The following BIN1 variants were observed in gnomAD, a reference collection of about 807,000 sequenced individuals.
The protein encoded by BIN1 is myc box-dependent-interacting protein 1.
A neutral mutation model predicts 82.0 loss-of-function variants in BIN1; 53 were observed. The ratio of observed to expected loss-of-function variants is 0.65; its 90% CI spans 0.52 to 0.81. The LOEUF is 0.81. Ranked by LOEUF, BIN1 falls within the 40% of genes least tolerant of loss-of-function variation. The pLI is 0.00. For missense variants in BIN1, 642 were observed against 784.4 expected, an observed-to-expected ratio of 0.82 and a Z score of 2.17; for synonymous variants, 302 against 328.0, an observed-to-expected ratio of 0.92 and a Z score of 0.86.
intron 11 of BIN1, among the ~76,000 whole-genome samples, chr2:127,058,804 C>T (rs564719162): frequency 2.2e-4 from 34 of 152,156 alleles, no homozygotes; most frequent in Non-Finnish European, 3.7e-4. Context: ...GAGGAGCGAG[C>T]AAGTCACAGA....
At chr2:127,072,880 A>G (rs943370824) in intron 2 of BIN1, among the ~76,000 whole-genome samples, 1 of 152,120 alleles carries the variant, frequency 6.6e-6, no homozygotes, top group Non-Finnish European at 1.5e-5. Flanking sequence ...TCACAATTAA[A>G]GGCTTTGTTG....
chr2:127,051,818 C>T (rs1682996777), intron 15 of BIN1, among the ~76,000 whole-genome samples: 1 of 152,232 alleles, frequency 6.6e-6, no homozygotes, highest in Non-Finnish European at 1.5e-5. Flanking sequence ...AACCCCAGAG[C>T]TGGGCTGACC....
chr2:127,063,875 C>T, intron 8 of BIN1, 58 bp downstream of exon 8: 1 of 1,602,004 alleles, frequency 6.2e-7, no homozygotes, highest in Non-Finnish European at 8.5e-7. Context: ...AGACTGGGCA[C>T]CGCAGCACGC....
chr2:127,103,219 T>C (rs780738540), intron 1 of BIN1, among the ~76,000 whole-genome samples: 2 of 152,202 alleles, frequency 1.3e-5, no homozygotes, highest in Non-Finnish European at 2.9e-5. Flanking sequence ...CTCTCAGGTG[T>C]AGCATTGCTG....
Position 127,091,735 on chromosome 2 carries a change from A to T in BIN1, c.85-15029T>A, listed in dbSNP as rs28576489. On this transcript the variant is annotated intron_variant, in intron 1 of 18. Coordinates refer to ENST00000316724, the MANE Select transcript of BIN1 (RefSeq NM_139343.3). ...GAGACCCCATTTCTACAAAAAAAAA[A>T]TTTTTTTTTTAATTAGCCAGGTGTG... Among the ~76,000 whole-genome samples, 48 of 129,358 alleles carry T rather than the reference A, an allele frequency of 3.7e-4. No homozygotes were observed. The East Asian group carries it at 5.3e-3, about 14-fold the overall frequency. The allele number at this position is 129,358 out of a possible 152,430, so 84.9% of individuals were successfully genotyped here.
At chr2:127,052,480 A>T in intron 14 of BIN1, 118 bp from the exon 15 acceptor site, 2 of 963,344 alleles carry the variant, frequency 2.1e-6, no homozygotes, top group Non-Finnish European at 3.1e-6. Context: ...TGGTGGGGGC[A>T]GGGTGGGTAC....
rs1160352652 is a variant in BIN1 at position 127,082,187 on chromosome 2, C to T, written c.85-5481G>A. Among the ~76,000 whole-genome samples the T allele has an allele frequency of 6.6e-6, 1 of 152,100 alleles. No individual in the cohort carries two copies. Among genetic ancestry groups the T allele is most frequent in the East Asian group, 1.9e-4 (1 of 5,178 alleles). ...CTCTGGGTCCAGGCTCGCTCACTGA[C>T]TCCCGGGGGCTGTCCCTCTGTCAAT... On this transcript the variant is annotated intron_variant, in intron 1 of 18. Coordinates refer to ENST00000316724, the MANE Select transcript of BIN1 (RefSeq NM_139343.3). This position sits in a 1 kb window ranked among gnomAD's most constrained non-coding sequence, Gnocchi z 6.1.
chr2:127,053,374 AAGAGT>A, intron 14 of BIN1, 43 bp downstream of exon 14: 3 of 1,612,162 alleles, frequency 1.9e-6, no homozygotes, highest in Middle Eastern at 1.6e-4. Flanking sequence ...ACACATACGG[AAGAGT>A]GGCTCCCCCA....
intron 10 of BIN1, chr2:127,060,570 C>T (rs1224098965): frequency 1.9e-6 from 3 of 1,613,914 alleles, no homozygotes; most frequent in Non-Finnish European, 8.5e-7. Context: ...GCCTCTGCGC[C>T]CCTCCGCAGC....
At position 127,068,032 on chromosome 2, in the gene BIN1, C is replaced by T. The variant is rs1685366631; in HGVS notation, c.612+131G>A. 1 of 918,388 alleles carries T rather than the reference C, an allele frequency of 1.1e-6. No individual in the cohort carries two copies. The highest frequency in any genetic ancestry group is 2.0e-5 in the Admixed American group (1 of 49,962). The allele number at this position is 918,388 out of a possible 1,614,324, so 56.9% of individuals were successfully genotyped here. A position where few individuals can be genotyped will look rare whatever the true frequency, so the allele number is the denominator to read the frequency against. On this transcript the variant is annotated intron_variant, in intron 7 of 18. Coordinates refer to ENST00000316724, the MANE Select transcript of BIN1 (RefSeq NM_139343.3). The surrounding 1 kb of genome is among the most constrained non-coding windows in gnomAD (Gnocchi z 4.9). ...AGGTCTCCTCTGAAGCAGAGCTCTC[C>T]CAGCAGAGGCCTTTGAAAAACCCTG...
chr2:127,053,681 G>T, intron 13 of BIN1: 1 of 718,524 alleles, frequency 1.4e-6, no homozygotes, highest in Non-Finnish European at 2.5e-6. Flanking sequence ...TGAGCACAAA[G>T]TTGCCAGGAA....
chr2:127,058,065 G>A (rs1009243919), intron 11 of BIN1, among the ~76,000 whole-genome samples: 2 of 152,134 alleles, frequency 1.3e-5, no homozygotes, highest in African/African-American at 4.8e-5. Flanking sequence ...AGGGCACAGG[G>A]CTGCCCACAG....
At chr2:127,073,221 C>G (rs1217615042) in intron 2 of BIN1, among the ~76,000 whole-genome samples, 1 of 152,240 alleles carries the variant, frequency 6.6e-6, no homozygotes, top group African/African-American at 2.4e-5. Context: ...TCATCAGTCC[C>G]CAGGGTAGAC....
chr2:127,098,806 G>A (rs1384299710), intron 1 of BIN1, among the ~76,000 whole-genome samples: 1 of 152,224 alleles, frequency 6.6e-6, no homozygotes, highest in Non-Finnish European at 1.5e-5. Flanking sequence ...TATAGGACAG[G>A]CCCCTGCAGA....
chr2:127,049,973 G>T (rs530918869), intron 18 of BIN1, among the ~76,000 whole-genome samples: 1 of 152,210 alleles, frequency 6.6e-6, no homozygotes, highest in Non-Finnish European at 1.5e-5. Flanking sequence ...GACGGCACAC[G>T]GGGCTTCATG....
chr2:127,048,434 G>A lies in BIN1; in HGVS notation c.*92C>T. 1 of 1,263,624 alleles carries A rather than the reference G, an allele frequency of 7.9e-7. No homozygotes were observed. Among genetic ancestry groups the A allele is most frequent in the Non-Finnish European group, 1.1e-6 (1 of 871,374 alleles). The allele number at this position is 1,263,624 out of a possible 1,614,324, so 78.3% of individuals were successfully genotyped here. On this transcript the variant is annotated 3_prime_UTR_variant, in exon 19 of 19. Transcript: ENST00000316724. ...CTTGATTTCCCTTTGCTCTTCAAAA[G>A]ATGAAAAACGAAAACAAAACAAAAA...
chr2:127,106,917 C>G lies in BIN1; in HGVS notation c.27G>C (p.Val9=). MAEMGSKG[V]TAGKIASNVQ... ...CGTTGCTGGCGATCTTTCCCGCCGT[C>G]ACCCCTTTACTGCCCATCTCTGCCA... Residue 9 remains valine (V), a synonymous_variant, in exon 1 of 19, where the codon GTG becomes GTC. Transcript: ENST00000316724. 1.2e-6 allele frequency: 2 copies of G among 1,612,720 alleles called. No individual in the cohort carries two copies. Among genetic ancestry groups the G allele is most frequent in the Non-Finnish European group, 1.7e-6 (2 of 1,179,652 alleles).
At position 127,068,195 on chromosome 2, in the gene BIN1, G is replaced by A. The variant is rs1558829263; in HGVS notation, c.580C>T (p.Leu194Phe). Reference protein sequence around the residue: ...QWCQGKLQAHLVAQTNLLRNQ... With the variant: ...QWCQGKLQAHFVAQTNLLRNQ... ...CGGAGCAGGTTAGTTTGAGCTACGA[G>A]ATGAGCCTGCAGTTTGCCTTGGCAC... The change falls in exon 7 of 19, where the codon CTC becomes TTC. Residue 194 changes from leucine to phenylalanine, a missense_variant. Coordinates refer to ENST00000316724, the MANE Select transcript of BIN1 (RefSeq NM_139343.3). This position sits in a 1 kb window ranked among gnomAD's most constrained non-coding sequence, Gnocchi z 4.9. The A allele has an allele frequency of 6.2e-7, 1 of 1,613,932 alleles. No homozygotes were observed. The highest frequency in any genetic ancestry group is 8.5e-7 in the Non-Finnish European group (1 of 1,180,014).
At position 127,048,557 on chromosome 2, in the gene BIN1, A is replaced by G. The variant is rs1466748456; in HGVS notation, c.1751T>C (p.Phe584Ser). The G allele has an allele frequency of 6.2e-7, 1 of 1,612,330 alleles. No homozygotes were observed. Among genetic ancestry groups the G allele is most frequent in the Non-Finnish European group, 8.5e-7 (1 of 1,179,528 alleles). Residue 584 changes from phenylalanine (F) to serine (S), a missense_variant, in exon 19 of 19, where the codon TTC becomes TCC. Phe to Ser is a radical substitution (Grantham distance 155). Transcript: ENST00000316724. The part of the protein sequence containing the change: ...HKELEKCRGV[F>S]PENFTERVP Reference sequence around the variant, plus strand: ...GACCCTCTCAGTGAAGTTCTCGGGGAAGACGCCACGGCACTTCTCCAGCTC... The same window carrying G: ...GACCCTCTCAGTGAAGTTCTCGGGGGAGACGCCACGGCACTTCTCCAGCTC...
Sources: gnomAD v4.1 joint callset for allele counts (sites outside exome capture counted in the v4.1 genomes callset) on GRCh38, gnomAD v4.1.1 for gene constraint, Gnocchi (gnomAD v3.1) non-coding constraint, MANE v1.5 for transcripts, NCBI Gene and HGNC (gene_info 2026-07-23, HGNC 2026-07-21) for gene names.